CAMTA1: variants seen among roughly 807,000 people sequenced by gnomAD.
CAMTA1 encodes calmodulin-binding transcription activator 1.
Under a neutral mutation model 170.9 loss-of-function variants are expected in CAMTA1, and 27 were observed. The observed-to-expected ratio is 0.16, with a 90% CI of 0.12 to 0.22. CAMTA1 has a LOEUF of 0.22. CAMTA1 is among the 10% of genes least tolerant of loss of function. The pLI, the probability that CAMTA1 is intolerant of heterozygous loss-of-function variation, is 1.00. For synonymous variants in CAMTA1, 833 were observed against 891.5 expected (o/e 0.93, Z 1.17); for missense variants, 1,619 against 2,217.2 (o/e 0.73, Z 5.42).
intron 6 of CAMTA1, among the ~76,000 whole-genome samples, chr1:7,481,894 T>C (rs935897819): frequency 6.6e-6 from 1 of 151,924 alleles, no homozygotes; most frequent in Non-Finnish European, 1.5e-5. Flanking sequence ...TTTTGATCGA[T>C]GCGTGCGTCA....
chr1:7,654,175 G>C (rs1558061181), intron 7 of CAMTA1, among the ~76,000 whole-genome samples: 1 of 151,860 alleles, frequency 6.6e-6, no homozygotes, highest in Non-Finnish European at 1.5e-5. Context: ...GAGGTCAGGA[G>C]TTCAAGACCA....
At chr1:6,821,355 AT>A (rs1277412538) in intron 2 of CAMTA1, among the ~76,000 whole-genome samples, 1 of 152,170 alleles carries the variant, frequency 6.6e-6, no homozygotes, top group African/African-American at 2.4e-5. Flanking sequence ...TAATGGCTGT[AT>A]TTGCTGCTGT....
intron 22 of CAMTA1, among the ~76,000 whole-genome samples, chr1:7,763,921 T>G (rs2096996203): frequency 6.6e-6 from 1 of 152,148 alleles, no homozygotes; most frequent in Admixed American, 6.5e-5. Flanking sequence ...AGAAAGAAAA[T>G]GTAGCATTTG....
At chr1:7,717,186 A>C (rs1259025016) in intron 11 of CAMTA1, among the ~76,000 whole-genome samples, 2 of 152,138 alleles carry the variant, frequency 1.3e-5, no homozygotes, top group African/African-American at 4.8e-5. Context: ...GAATCAGTTC[A>C]AGGGGTTATT....
rs944284473 is a variant in CAMTA1, at chr1:7,704,786, C to CGCGGGGCCGGGCTGGGCCGGGCCGG, written c.2914+27066_2914+27090dup. Among the ~76,000 whole-genome samples the CGCGGGGCCGGGCTGGGCCGGGCCGG allele has an allele frequency of 8.1e-5, 12 of 147,354 alleles. No homozygotes were observed. In the South Asian group the frequency reaches 1.0e-3, roughly 13 times the overall value. On this transcript the variant is annotated intron_variant, in intron 11 of 22. Transcript: ENST00000303635. Reference sequence around the variant, plus strand: ...GCTGCGGCGAGTGGAGCTGAGCGGGCGCGGGGCCGGGCTGGGCCGGGCCGG... The same window carrying CGCGGGGCCGGGCTGGGCCGGGCCGG: ...GCTGCGGCGAGTGGAGCTGAGCGGGCGCGGGGCCGGGCTGGGCCGGGCCGGGCGGGGCCGGGCTGGGCCGGGCCGG...
intron 3 of CAMTA1, among the ~76,000 whole-genome samples, chr1:6,842,871 C>G (rs1221218552): frequency 6.6e-6 from 1 of 151,728 alleles, no homozygotes; most frequent in Non-Finnish European, 1.5e-5. Context: ...TTGCAGTGAG[C>G]TGAGGTCGTG....
chr1:7,073,093 A>G (rs1165240026), intron 3 of CAMTA1, among the ~76,000 whole-genome samples: 4 of 152,088 alleles, frequency 2.6e-5, no homozygotes, highest in African/African-American at 9.7e-5. Flanking sequence ...AGATGGGAGA[A>G]GTGTTGGATT....
rs981532484 is a variant in CAMTA1 at position 7,233,376 on chromosome 1, C to T, written c.303-16115C>T. 2.6e-5 allele frequency among the ~76,000 whole-genome samples: 4 copies of T among 152,222 alleles called. No individual in the cohort carries two copies. In the East Asian group the frequency reaches 7.8e-4, roughly 30 times the overall value. ...CATCACTGTGCTGGGATGGGGCTTACGTGACCTGGCTGCACCAAGCAGCAG... is the reference window on the plus strand; with the variant it reads ...CATCACTGTGCTGGGATGGGGCTTATGTGACCTGGCTGCACCAAGCAGCAG... On this transcript the variant is annotated intron_variant, in intron 4 of 22. Transcript: ENST00000303635.
chr1:7,042,907 T>A (rs2101411507), intron 3 of CAMTA1, among the ~76,000 whole-genome samples: 1 of 152,300 alleles, frequency 6.6e-6, no homozygotes, highest in South Asian at 2.1e-4. Flanking sequence ...CCACCAGAGG[T>A]CACTGTAATA....
chr1:7,402,554 G>A (rs2089982456), intron 5 of CAMTA1, among the ~76,000 whole-genome samples: 3 of 152,158 alleles, frequency 2.0e-5, no homozygotes, highest in South Asian at 4.1e-4. Context: ...CCCATTATAT[G>A]CTGCAGTCGT....
rs567778262 is a variant in CAMTA1, at chr1:6,807,580, C to T, written c.46-12601C>T. Among the ~76,000 whole-genome samples the T allele has an allele frequency of 2.4e-4, 36 of 152,056 alleles. 1 individual carries two copies. The South Asian group carries it at 6.0e-3, about 25-fold the overall frequency. ...CTAAAAATACAAAAAATTAGCTGAG[C>T]GTGGTGGCACGTGCCTGTAGTCTCA... is the stretch of plus-strand genomic sequence containing the variant. On this transcript the variant is annotated intron_variant, in intron 1 of 22. Transcript: ENST00000303635.
chr1:7,652,157 T>A (rs929937036), intron 7 of CAMTA1, among the ~76,000 whole-genome samples: 8 of 152,088 alleles, frequency 5.3e-5, no homozygotes, highest in African/African-American at 1.9e-4. Flanking sequence ...TGGGTTTTTA[T>A]AGAAATTCCC....
chr1:7,427,197 G>A (rs999886950), intron 5 of CAMTA1, among the ~76,000 whole-genome samples: 2 of 152,130 alleles, frequency 1.3e-5, no homozygotes, highest in Admixed American at 6.5e-5. Context: ...TTAATGCTGC[G>A]ATGACATCAA....
Position 7,736,857 on chromosome 1 carries a change from G to A in CAMTA1, c.3264-74G>A. On this transcript the variant is annotated intron_variant, in intron 13 of 22. Coordinates refer to ENST00000303635, the MANE Select transcript of CAMTA1 (RefSeq NM_015215.4). The surrounding 1 kb of genome is among the most constrained non-coding windows in gnomAD (Gnocchi z 4.5). ...ACCCAGTTGGGTTTCATCTTGGTGG[G>A]GTTTTATAATATTCTGGTGTTTCCT... The A allele has an allele frequency of 8.3e-7, 1 of 1,210,796 alleles. No homozygotes were observed. Among genetic ancestry groups the A allele is most frequent in the Middle Eastern group, 1.9e-4 (1 of 5,308 alleles). The allele number at this position is 1,210,796 out of a possible 1,614,324, so 75.0% of individuals were successfully genotyped here.
chr1:6,827,000 G>C (rs768510093), intron 3 of CAMTA1, among the ~76,000 whole-genome samples: 1 of 152,122 alleles, frequency 6.6e-6, no homozygotes, highest in Admixed American at 6.5e-5. Context: ...TAAAGCATCC[G>C]ATAAAGAATT....
chr1:7,051,080 G>T (rs1326738384), intron 3 of CAMTA1, among the ~76,000 whole-genome samples: 1 of 152,170 alleles, frequency 6.6e-6, no homozygotes, highest in Admixed American at 6.5e-5. Flanking sequence ...CTGCGGCAAG[G>T]TGCCCACGTC....
chr1:7,656,588 G>A (rs528111280), intron 7 of CAMTA1, among the ~76,000 whole-genome samples: 27 of 152,366 alleles, frequency 1.8e-4, no homozygotes, highest in South Asian at 4.1e-4. Flanking sequence ...CGGCCCTACC[G>A]TGGCTCAGGC....
intron 6 of CAMTA1, among the ~76,000 whole-genome samples, chr1:7,574,453 T>C (rs1160285316): frequency 6.6e-6 from 1 of 152,142 alleles, no homozygotes; most frequent in Non-Finnish European, 1.5e-5. Context: ...TGTGCAGGGA[T>C]GCTCCCTGGC....
At chr1:7,576,788 G>A (rs1383816862) in intron 6 of CAMTA1, among the ~76,000 whole-genome samples, 1 of 152,196 alleles carries the variant, frequency 6.6e-6, no homozygotes, top group Admixed American at 6.5e-5. Context: ...CCATCCTTGA[G>A]AGAGTGCATG....
Sources: gnomAD v4.1 joint callset for allele counts (sites outside exome capture counted in the v4.1 genomes callset) on GRCh38, gnomAD v4.1.1 for gene constraint, Gnocchi (gnomAD v3.1) non-coding constraint, MANE v1.5 for transcripts, NCBI Gene and HGNC (gene_info 2026-07-23, HGNC 2026-07-21) for gene names.